Variants in ACVR1 observed in about 807,000 individuals in gnomAD.
ACVR1 encodes activin receptor type-1.
ACVR1 carries 38 observed loss-of-function variants against 57.1 expected under a neutral mutation model. The observed-to-expected ratio is 0.67, with a 90% CI of 0.51 to 0.87. ACVR1 has a LOEUF of 0.87. ACVR1 is among the 40% of genes least tolerant of loss of function. ACVR1 has a pLI of 0.00. For missense variants in ACVR1, 463 were observed against 638.2 expected (o/e 0.73, Z 2.96); for synonymous variants, 212 against 228.1 (o/e 0.93, Z 0.63).
intron 9 of ACVR1, among the ~76,000 whole-genome samples, chr2:157,747,679 C>T (rs1194441546): frequency 1.3e-5 from 2 of 151,912 alleles, no homozygotes; most frequent in Non-Finnish European, 2.9e-5. Context: ...AATTAAAAGA[C>T]TAACAGTAGT....
In ACVR1 at chr2:157,761,021, G is replaced by A. The variant is rs751000395; in HGVS notation, c.1123C>T (p.Arg375Cys). 3.1e-6 allele frequency: 5 copies of A among 1,614,080 alleles called. No homozygotes were observed. The highest frequency in any genetic ancestry group is 2.2e-5 in the East Asian group (1 of 44,868). Residue 375 changes from arginine to cysteine, a missense_variant, in exon 9 of 11, where the codon CGT (arginine) becomes TGT (cysteine). Physicochemically the swap from Arg to Cys is radical, Grantham distance 180. This residue lies in a region of ACVR1 where 146 missense variants were observed against 186.6 expected (regional missense o/e 0.78). Transcript: ENST00000434821. ...TNQLDVGNNP[R>C]VGTKRYMAPE... ...GCCATGTAGCGCTTGGTGCCCACAC[G>A]GGGATTGTTCCCCACATCAAGCTGA... is the stretch of plus-strand genomic sequence containing the variant.
intron 1 of ACVR1, among the ~76,000 whole-genome samples, chr2:157,862,222 TG>T (rs1331767338): frequency 3.9e-5 from 6 of 152,212 alleles, no homozygotes; most frequent in African/African-American, 1.2e-4. Flanking sequence ...AAGTGTACTA[TG>T]TTTCATGTTT....
chr2:157,807,729 C>T (rs1324629411), intron 2 of ACVR1, among the ~76,000 whole-genome samples: 2 of 151,978 alleles, frequency 1.3e-5, no homozygotes, highest in African/African-American at 4.8e-5. Context: ...CCTGACCTGA[C>T]GTTTCCCCTC....
At chr2:157,823,913 G>C (rs549041659) in intron 1 of ACVR1, among the ~76,000 whole-genome samples, 1 of 152,276 alleles carries the variant, frequency 6.6e-6, no homozygotes, top group Admixed American at 6.5e-5. Context: ...AAGGTTCCAT[G>C]CTTGAACCAA....
chr2:157,839,782 T>C (rs1020507541), intron 1 of ACVR1, among the ~76,000 whole-genome samples: 5 of 152,104 alleles, frequency 3.3e-5, no homozygotes, highest in Non-Finnish European at 5.9e-5. Context: ...ACTTAGTACT[T>C]TTTGAGAACC....
chr2:157,782,637 A>T (rs138079754), intron 3 of ACVR1, among the ~76,000 whole-genome samples: 52 of 152,296 alleles, frequency 3.4e-4, no homozygotes, highest in African/African-American at 1.3e-3. Context: ...GAATGGCACA[A>T]AGCAGGCTGA....
At chr2:157,828,758 GTTTT>G (rs61705462) in intron 1 of ACVR1, among the ~76,000 whole-genome samples, 2 of 147,536 alleles carry the variant, frequency 1.4e-5, no homozygotes, top group African/African-American at 5.4e-5. Context: ...TTAGTTTTTT[GTTTT>G]TTTGTTTGTT....
At chr2:157,747,645 T>A (rs1685023359) in intron 9 of ACVR1, among the ~76,000 whole-genome samples, 1 of 152,218 alleles carries the variant, frequency 6.6e-6, no homozygotes, top group Non-Finnish European at 1.5e-5. Context: ...CCTACTCATT[T>A]TTTTTCTGTT....
At chr2:157,855,279 T>C (rs1464374448) in intron 1 of ACVR1, among the ~76,000 whole-genome samples, 9 of 50,504 alleles carry the variant, frequency 1.8e-4, no homozygotes, top group Non-Finnish European at 2.6e-4. Context: ...AGTGTGTGTG[T>C]GTGTGTGTGT....
intron 9 of ACVR1, among the ~76,000 whole-genome samples, chr2:157,754,118 G>T (rs185186022): frequency 2.0e-5 from 3 of 152,202 alleles, no homozygotes; most frequent in Non-Finnish European, 4.4e-5. Context: ...GTAGTGCTAA[G>T]AGGAAAGTTC....
intron 1 of ACVR1, among the ~76,000 whole-genome samples, chr2:157,854,835 A>G (rs943952446): frequency 1.3e-5 from 2 of 151,806 alleles, no homozygotes; most frequent in African/African-American, 4.8e-5. Context: ...GTCAGGAGAT[A>G]AGAGACAATT....
chr2:157,824,479 T>C (rs565596278), intron 1 of ACVR1, among the ~76,000 whole-genome samples: 1 of 152,002 alleles, frequency 6.6e-6, no homozygotes, highest in African/African-American at 2.4e-5. Flanking sequence ...AAAGTAATAA[T>C]AATAATAAGC....
At chr2:157,852,219 C>T (rs1689339345) in intron 1 of ACVR1, among the ~76,000 whole-genome samples, 3 of 151,664 alleles carry the variant, frequency 2.0e-5, no homozygotes, top group Non-Finnish European at 4.4e-5. Flanking sequence ...AAGAATAGGC[C>T]AGGTGCAGTG....
At chr2:157,859,671 G>A (rs1397640879) in intron 1 of ACVR1, among the ~76,000 whole-genome samples, 1 of 151,982 alleles carries the variant, frequency 6.6e-6, no homozygotes, top group African/African-American at 2.4e-5. Flanking sequence ...CACATCTCAT[G>A]GGCTCAGACT....
chr2:157,742,471 A>G (rs1264313226), intron 9 of ACVR1, among the ~76,000 whole-genome samples: 1 of 152,190 alleles, frequency 6.6e-6, no homozygotes, highest in African/African-American at 2.4e-5. Flanking sequence ...GAAAGAAATA[A>G]AAAACATTAT....
chr2:157,768,980 T>C (rs1685977697), intron 7 of ACVR1, among the ~76,000 whole-genome samples: 1 of 152,136 alleles, frequency 6.6e-6, no homozygotes, highest in African/African-American at 2.4e-5. Context: ...AGGCAGTGTG[T>C]GGTAAGAGTT....
intron 3 of ACVR1, among the ~76,000 whole-genome samples, chr2:157,782,434 G>A (rs534723066): frequency 6.6e-6 from 1 of 152,328 alleles, no homozygotes; most frequent in African/African-American, 2.4e-5. Context: ...ATGAGCAAAA[G>A]TTTTAATGAG....
At chr2:157,738,338 C>T in intron 10 of ACVR1, 102 bp downstream of exon 10, 2 of 1,542,956 alleles carry the variant, frequency 1.3e-6, no homozygotes, top group Non-Finnish European at 1.8e-6. Flanking sequence ...ACAACAGATC[C>T]ACGGGACAGA....
Position 157,737,596 on chromosome 2 carries a change from G to A in ACVR1, c.1465C>T (p.Leu489=), listed in dbSNP as rs1684582409. 3 of 1,614,086 alleles carry A rather than the reference G, an allele frequency of 1.9e-6. No homozygotes were observed. The highest frequency in any genetic ancestry group is 1.3e-5 in the African/African-American group (1 of 75,058). ...TTGGTCAAAGTCTTTTTGATACGCA[G>A]TGCTGTGAGTCTTGCGGATGGATTT... The part of the protein sequence containing the change: ...YQNPSARLTA[L]RIKKTLTKID... The change falls in exon 11 of 11, where the codon CTG becomes TTG. Residue 489 remains leucine (L), a synonymous_variant. Transcript: ENST00000434821.
Sources: allele counts gnomAD v4.1 joint callset (sites outside exome capture counted in the v4.1 genomes callset), GRCh38; gene constraint gnomAD v4.1.1; regional missense constraint gnomAD v4.1.1; transcripts MANE v1.5; gene names NCBI Gene and HGNC (gene_info 2026-07-23, HGNC 2026-07-21).